LAMA1: variants seen among roughly 807,000 people sequenced by gnomAD.
LAMA1 encodes the protein laminin subunit alpha-1.
LAMA1 carries 219 observed loss-of-function variants against 348.7 expected under a neutral mutation model. The ratio of observed to expected loss-of-function variants is 0.63; its 90% CI spans 0.56 to 0.70. LAMA1 has a LOEUF of 0.70. LAMA1 is among the 30% of genes least tolerant of loss of function. LAMA1 has a pLI of 0.00. For synonymous variants in LAMA1, 1,487 were observed against 1,491.0 expected (o/e 1.00, Z 0.06); for missense variants, 3,744 against 3,888.0 (o/e 0.96, Z 0.99).
chr18:7,020,888 T>C (rs1226740814), intron 19 of LAMA1, among the ~76,000 whole-genome samples: 1 of 152,102 alleles, frequency 6.6e-6, no homozygotes, highest in Non-Finnish European at 1.5e-5. Flanking sequence ...ACAGCTCCAA[T>C]CACACCCTGG....
intron 35 of LAMA1, 110 bp from the exon 36 acceptor site, chr18:6,992,830 G>A (rs759202447): frequency 1.5e-4 from 135 of 896,880 alleles, no homozygotes; most frequent in Non-Finnish European, 2.3e-4. Context: ...CCTAAGCTGA[G>A]TTGGACCTCC....
Position 6,983,237 on chromosome 18 carries a change from A to G in LAMA1, c.5661-3T>C, listed in dbSNP as rs1245692627. 2 of 1,614,102 alleles carry G rather than the reference A, an allele frequency of 1.2e-6. No individual in the cohort carries two copies. The highest frequency in any genetic ancestry group is 1.1e-5 in the South Asian group (1 of 91,090). ...CATTTCTGATGTTTTCAAGGCCACT[A>G]TCAAAGCAGCATATTTAGATACGTT... On this transcript the variant is annotated splice_polypyrimidine_tract_variant and splice_region_variant and intron_variant, in intron 39 of 62. Transcript: ENST00000389658.
At chr18:7,009,514 G>GA in intron 26 of LAMA1, 148 bp from the exon 27 acceptor site, 1 of 840,116 alleles carries the variant, frequency 1.2e-6, no homozygotes, top group Admixed American at 2.1e-5. Flanking sequence ...AAGACCTCCT[G>GA]AAACCTCCAT....
intron 9 of LAMA1, among the ~76,000 whole-genome samples, chr18:7,041,031 T>G (rs748536469): frequency 6.6e-6 from 1 of 152,176 alleles, no homozygotes; most frequent in African/African-American, 2.4e-5. Context: ...AAGGGGCTTC[T>G]TTATGGGATG....
intron 1 of LAMA1, among the ~76,000 whole-genome samples, chr18:7,085,620 A>C (rs9949180): frequency 4.2e-4 from 64 of 151,736 alleles, no homozygotes; most frequent in South Asian, 2.9e-3. Flanking sequence ...GGGTTTCACC[A>C]CGTTAGCCAG....
At position 7,012,857 on chromosome 18, in the gene LAMA1, G is replaced by A. The variant is rs117849470; in HGVS notation, c.3364-719C>T. 1.1e-4 allele frequency among the ~76,000 whole-genome samples: 16 copies of A among 150,750 alleles called. No individual in the cohort carries two copies. In the East Asian group the frequency reaches 3.3e-3, roughly 31 times the overall value. On this transcript the variant is annotated intron_variant, in intron 23 of 62. Coordinates refer to ENST00000389658, the MANE Select transcript of LAMA1 (RefSeq NM_005559.4). ...GCTCTACTCGTCTATCATCACAGCT[G>A]TTATCATAAGATGTGGCAGAGTCTG...
intron 24 of LAMA1, among the ~76,000 whole-genome samples, chr18:7,011,787 A>G (rs2057861673): frequency 6.6e-6 from 1 of 152,222 alleles, no homozygotes; most frequent in African/African-American, 2.4e-5. Context: ...AAGGAACAAC[A>G]TGGACAGCCT....
At chr18:7,051,121 C>T (rs1179989125) in intron 3 of LAMA1, among the ~76,000 whole-genome samples, 185 bp from the exon 4 acceptor site, 2 of 152,032 alleles carry the variant, frequency 1.3e-5, no homozygotes, top group East Asian at 3.9e-4. Context: ...TTAATGCATA[C>T]CAAGTTTCAG....
intron 26 of LAMA1, 22 bp from the exon 27 acceptor site, chr18:7,009,388 C>T (rs1355265491): frequency 1.9e-6 from 3 of 1,613,454 alleles, no homozygotes; most frequent in Non-Finnish European, 1.7e-6. Flanking sequence ...GAAACACATT[C>T]AATTAAGCTC....
chr18:7,056,897 T>C (rs1301199473), intron 3 of LAMA1, among the ~76,000 whole-genome samples: 2 of 150,984 alleles, frequency 1.3e-5, no homozygotes, highest in Non-Finnish European at 2.9e-5. Context: ...TTTGAGACAG[T>C]GTCTCGCTCT....
intron 18 of LAMA1, among the ~76,000 whole-genome samples, 182 bp from the exon 19 acceptor site, chr18:7,023,557 G>T (rs74725151): frequency 6.6e-6 from 1 of 152,062 alleles, no homozygotes. Flanking sequence ...CGCGGTGAAG[G>T]GGGAGAGCAT....
chr18:6,992,901 T>G (rs2057765040), intron 35 of LAMA1, among the ~76,000 whole-genome samples, 181 bp from the exon 36 acceptor site: 2 of 152,168 alleles, frequency 1.3e-5, no homozygotes, highest in Admixed American at 1.3e-4. Context: ...AACTAAACAT[T>G]CATGAACTTG....
chr18:7,099,055 A>G (rs1203225478), intron 1 of LAMA1, among the ~76,000 whole-genome samples: 8 of 151,992 alleles, frequency 5.3e-5, no homozygotes, highest in Non-Finnish European at 1.0e-4. Flanking sequence ...AGATTGAGAA[A>G]TCGGATGGTT....
chr18:7,026,224 C>A, intron 16 of LAMA1, 118 bp from the exon 17 acceptor site: 1 of 1,249,822 alleles, frequency 8.0e-7, no homozygotes, highest in Non-Finnish European at 1.1e-6. Flanking sequence ...AACCAGTCAC[C>A]AACCTCTGAG....
In LAMA1 at chr18:7,109,615, A is replaced by C. The variant is rs58314173; in HGVS notation, c.61+8045T>G. Among the ~76,000 whole-genome samples the C allele has an allele frequency of 1.7e-3, 252 of 152,252 alleles. 2 individuals carry two copies. The highest frequency in any genetic ancestry group is 5.8e-3 in the African/African-American group (241 of 41,564). On this transcript the variant is annotated intron_variant, in intron 1 of 62. Transcript: ENST00000389658. ...GAAACGGGAGTACATTTCAGGTGAG[A>C]GAGTCATGTAACCAAATCACACAGC...
rs201891641 is a variant in LAMA1, at chr18:7,015,826, C to T, written c.3022G>A (p.Asp1008Asn). The T allele has an allele frequency of 1.4e-5, 23 of 1,614,032 alleles. No homozygotes were observed. The highest frequency in any genetic ancestry group is 1.0e-4 in the Admixed American group (6 of 60,006). ...CAGACACACTCTCCAGTTTCTGGGT[C>T]GCAGGTATTCTGAGTGTGTGGGCAG... ...CDCPHTQNTCDPETGECVCPP... is the reference protein window; with the variant it reads ...CDCPHTQNTCNPETGECVCPP... Residue 1008 changes from aspartate (D) to asparagine (N), a missense_variant, in exon 22 of 63, where the codon GAC becomes AAC. Asp to Asn is a conservative substitution (Grantham distance 23). Around this residue, in one of 3 missense-constraint regions of LAMA1, gnomAD observed 1,529 missense variants for 1,689.4 expected, o/e 0.91. Coordinates refer to ENST00000389658, the MANE Select transcript of LAMA1 (RefSeq NM_005559.4).
chr18:6,950,586 A>G (rs1279777175), intron 58 of LAMA1, among the ~76,000 whole-genome samples, 196 bp downstream of exon 58: 1 of 152,216 alleles, frequency 6.6e-6, no homozygotes, highest in Non-Finnish European at 1.5e-5. Flanking sequence ...GTCAGGTACT[A>G]AGCAAGGCCC....
At chr18:7,023,451 G>T in intron 18 of LAMA1, 76 bp from the exon 19 acceptor site, 1 of 1,191,566 alleles carries the variant, frequency 8.4e-7, no homozygotes, top group South Asian at 1.2e-5. Flanking sequence ...GGGACTCCCT[G>T]AATGGCTAAT....
chr18:6,974,460 T>TC (rs57005370), intron 46 of LAMA1, among the ~76,000 whole-genome samples: 4,192 of 148,368 alleles, frequency 0.028, 125 homozygotes, highest in African/African-American at 0.07. Flanking sequence ...CTTTTCTTTT[T>TC]TTTTTTTTTT....
Sources: allele counts gnomAD v4.1 joint callset (sites outside exome capture counted in the v4.1 genomes callset), GRCh38; gene constraint gnomAD v4.1.1; regional missense constraint gnomAD v4.1.1; transcripts MANE v1.5; gene names NCBI Gene and HGNC (gene_info 2026-07-23, HGNC 2026-07-21).